WDR27: variants seen among roughly 807,000 people sequenced by gnomAD.
The protein encoded by WDR27 is WD repeat-containing protein 27.
Under a neutral mutation model 114.4 loss-of-function variants are expected in WDR27, and 100 were observed. The observed-to-expected ratio is 0.87, with a 90% CI of 0.74 to 1.03. The LOEUF (loss-of-function observed/expected upper bound fraction) is 1.03, where lower values mean the gene tolerates loss of function less well. WDR27 is among the 50% of genes least tolerant of loss of function. WDR27 has a pLI of 0.00. For missense variants in WDR27, 1,129 were observed against 1,092.9 expected, an observed-to-expected ratio of 1.03 and a Z score of -0.47; for synonymous variants, 449 against 423.1, an observed-to-expected ratio of 1.06 and a Z score of -0.75.
chr6:169,564,587 T>C (rs9396942), intron 25 of WDR27, among the ~76,000 whole-genome samples: 89,843 of 152,010 alleles, frequency 0.59, 29,278 homozygotes, highest in Non-Finnish European at 0.72. Flanking sequence ...CCCTCCACAT[T>C]TGGGGAGAGT....
intron 6 of WDR27, 39 bp downstream of exon 6, chr6:169,667,097 A>T: frequency 2.0e-6 from 3 of 1,477,548 alleles, no homozygotes; most frequent in Non-Finnish European, 2.7e-6. Flanking sequence ...TGGGTTACAC[A>T]CAACCTATTT....
chr6:169,465,803 G>A (rs1005599586), intron 25 of WDR27, among the ~76,000 whole-genome samples: 5 of 152,174 alleles, frequency 3.3e-5, no homozygotes, highest in African/African-American at 1.2e-4. Context: ...AAAGATAAAT[G>A]TGAGGTACCT....
At position 169,578,088 on chromosome 6, in the gene WDR27, G is replaced by A. The variant is rs374774718; in HGVS notation, c.2523+4748C>T. The stretch of plus-strand genomic sequence containing the variant: ...AATGTGTGTTTTATCCTCCTACTGG[G>A]AGGTTGGTGTCATCGCTCCGCAGTG... On this transcript the variant is annotated intron_variant, in intron 24 of 25. Transcript: ENST00000448612. Among the ~76,000 whole-genome samples the A allele has an allele frequency of 1.3e-4, 20 of 152,302 alleles. No homozygotes were observed. The South Asian group carries it at 3.9e-3, about 30-fold the overall frequency.
At chr6:169,585,016 G>C (rs1005257700) in intron 23 of WDR27, among the ~76,000 whole-genome samples, 2 of 152,172 alleles carry the variant, frequency 1.3e-5, no homozygotes, top group Admixed American at 6.5e-5. Context: ...AATGTATATG[G>C]ACAACTAATT....
At chr6:169,637,333 T>G (rs994818906) in intron 18 of WDR27, among the ~76,000 whole-genome samples, 2 of 152,216 alleles carry the variant, frequency 1.3e-5, no homozygotes, top group African/African-American at 4.8e-5. Context: ...TATTTAAAAT[T>G]CTTCAAATGT....
chr6:169,573,478 T>C (rs991217569), intron 24 of WDR27, among the ~76,000 whole-genome samples: 4 of 152,146 alleles, frequency 2.6e-5, no homozygotes, highest in African/African-American at 9.7e-5. Flanking sequence ...CCCCCCAGGA[T>C]GTGAAACCCA....
In WDR27 at chr6:169,659,531, G is replaced by C; in HGVS notation, c.1130-13C>G. On this transcript the variant is annotated splice_polypyrimidine_tract_variant and intron_variant, in intron 10 of 25. Coordinates refer to ENST00000448612, the MANE Select transcript of WDR27 (RefSeq NM_182552.5). This position sits in a 1 kb window ranked among gnomAD's most constrained non-coding sequence, Gnocchi z 4.3. ...AGGCTCTGGAAATCTTCAGTTGAGC[G>C]AAGACCAGGAAGAACATGATGGGGA... is the stretch of plus-strand genomic sequence containing the variant. 1 of 1,601,794 alleles carries C rather than the reference G, an allele frequency of 6.2e-7. No individual in the cohort carries two copies. Among genetic ancestry groups the C allele is most frequent in the Non-Finnish European group, 8.5e-7 (1 of 1,174,484 alleles).
chr6:169,444,041 A>G, the WDR27 span, among the ~76,000 whole-genome samples: 1 of 152,176 alleles, frequency 6.6e-6, no homozygotes, highest in Admixed American at 6.5e-5. Context: ...GCTGGATGCC[A>G]ACGCTGGCTC....
At chr6:169,600,012 G>A (rs1385982060) in intron 23 of WDR27, among the ~76,000 whole-genome samples, 10 of 152,002 alleles carry the variant, frequency 6.6e-5, no homozygotes, top group African/African-American at 1.2e-4. Context: ...CCTTCATTTC[G>A]TTATGTACCC....
chr6:169,530,766 A>G (rs1795491322), intron 25 of WDR27, among the ~76,000 whole-genome samples: 1 of 152,204 alleles, frequency 6.6e-6, no homozygotes. Context: ...TGTAAACTCA[A>G]TGAAAATAAT....
chr6:169,455,058 C>T (rs1014609227), downstream of WDR27, among the ~76,000 whole-genome samples: 1 of 152,222 alleles, frequency 6.6e-6, no homozygotes, highest in Non-Finnish European at 1.5e-5. Flanking sequence ...GAGACCTGAG[C>T]GCCCTGGCCT....
chr6:169,426,857 GCTTGCCTGCTA>G, the WDR27 span: 3 of 153,164 alleles, frequency 2.0e-5, no homozygotes, highest in Non-Finnish European at 2.9e-5. Flanking sequence ...GCTGCCTGCT[GCTTGCCTGCTA>G]CATGCTGGGC....
Position 169,552,749 on chromosome 6 carries a change from A to AAATTTTACAATT in WDR27, c.2645+19669_2645+19670insAATTGTAAAATT, listed in dbSNP as rs936181257. 1.1e-4 allele frequency among the ~76,000 whole-genome samples: 16 copies of AAATTTTACAATT among 152,214 alleles called. 1 individual carries two copies. Among genetic ancestry groups the AAATTTTACAATT allele is most frequent in the Admixed American group, 9.8e-4 (15 of 15,288 alleles). On this transcript the variant is annotated intron_variant, in intron 25 of 25. Transcript: ENST00000448612. ...TTAAACATTGTTAGTGGAATTTTGTATTACCATATATGTAAAAATGAATTG... is the reference window on the plus strand; with the variant it reads ...TTAAACATTGTTAGTGGAATTTTGTAAATTTTACAATTTTACCATATATGTAAAAATGAATTG...
chr6:169,658,043 G>A (rs76366099), intron 13 of WDR27: 243 of 423,672 alleles, frequency 5.7e-4, no homozygotes, highest in African/African-American at 2.5e-3. Flanking sequence ...TCTTGGGCAC[G>A]TTGCTGAATC....
At chr6:169,544,666 C>G (rs1797236438) in intron 25 of WDR27, among the ~76,000 whole-genome samples, 1 of 152,158 alleles carries the variant, frequency 6.6e-6, no homozygotes, top group Non-Finnish European at 1.5e-5. Flanking sequence ...AACACCTGGC[C>G]TCAAGTGAGC....
chr6:169,676,051 G>A (rs1456436541), intron 2 of WDR27, among the ~76,000 whole-genome samples: 1 of 152,100 alleles, frequency 6.6e-6, no homozygotes, highest in African/African-American at 2.4e-5. Context: ...CATGATATAC[G>A]GGGTCAAATA....
intron 24 of WDR27, among the ~76,000 whole-genome samples, chr6:169,578,561 G>A (rs541168896): frequency 5.9e-5 from 9 of 152,304 alleles, no homozygotes; most frequent in East Asian, 5.8e-4. Flanking sequence ...AAGCTCCCAG[G>A]GGGGCGAAAG....
chr6:169,516,836 C>CACACACACACACACACACA (rs1562522095), intron 25 of WDR27, among the ~76,000 whole-genome samples: 1 of 149,804 alleles, frequency 6.7e-6, no homozygotes, highest in African/African-American at 2.5e-5. Flanking sequence ...CACACACACA[C>CACACACACACACACACACA]CCCTCCCTTA....
intron 1 of WDR27, among the ~76,000 whole-genome samples, chr6:169,690,151 A>G (rs1462489625): frequency 7.4e-6 from 1 of 134,402 alleles, no homozygotes; most frequent in Non-Finnish European, 1.6e-5. Context: ...TGTGGATTCA[A>G]AGGATCCACC....
Sources: allele counts gnomAD v4.1 joint callset (sites outside exome capture counted in the v4.1 genomes callset), GRCh38; gene constraint gnomAD v4.1.1; non-coding constraint Gnocchi (gnomAD v3.1); transcripts MANE v1.5; gene names NCBI Gene and HGNC (gene_info 2026-07-23, HGNC 2026-07-21).